Variants in CTPS2 observed in about 807,000 individuals in gnomAD.
CTPS2 encodes CTP synthase II.
Under a neutral mutation model 46.8 loss-of-function variants are expected in CTPS2, and 19 were observed. The observed-to-expected ratio is 0.41, with a 90% CI of 0.28 to 0.60. The LOEUF is 0.60. Among genes scored for constraint, CTPS2 ranks in the 20% least tolerant of loss-of-function variants. The pLI, the probability that CTPS2 is intolerant of heterozygous loss-of-function variation, is 0.35. For synonymous variants in CTPS2, 151 were observed against 165.2 expected (o/e 0.91, Z 0.66); for missense variants, 286 against 447.6 (o/e 0.64, Z 3.26).
At chrX:16,610,522 C>T (rs1243842960) in intron 16 of CTPS2, among the ~76,000 whole-genome samples, 1 of 111,370 alleles carries the variant, frequency 9.0e-6, no homozygotes, top group East Asian at 2.8e-4. Context: ...GCTAGAACAG[C>T]TATTATTAAA....
chrX:16,642,560 C>T (rs775269504), intron 13 of CTPS2, among the ~76,000 whole-genome samples: 9 of 111,449 alleles, frequency 8.1e-5, no homozygotes, highest in South Asian at 3.8e-4. Context: ...ACTCAGGAAG[C>T]GGAAGGTCAG....
intron 15 of CTPS2, among the ~76,000 whole-genome samples, chrX:16,619,737 C>T (rs986532874): frequency 7.2e-5 from 8 of 111,807 alleles, no homozygotes; most frequent in Admixed American, 1.9e-4. Context: ...ATCTACATTT[C>T]GAGAAATCTA....
rs184828691 is a variant in CTPS2 at position 16,630,988 on chromosome X, G to A, written c.1393+8159C>T. Among the ~76,000 whole-genome samples, 284 of 112,374 alleles carry A rather than the reference G, an allele frequency of 2.5e-3. 2 individuals carry two copies. Among genetic ancestry groups the A allele is most frequent in the African/African-American group, 9.0e-3 (280 of 31,003 alleles). The stretch of plus-strand genomic sequence containing the variant: ...TCCCTTATTGAAAAAGTGTACAAAA[G>A]GCCATTGAGGATCTCTTGAGGCCAA... On this transcript the variant is annotated intron_variant, in intron 14 of 18. Transcript: ENST00000359276.
chrX:16,651,587 G>A (rs1932636532), intron 13 of CTPS2, among the ~76,000 whole-genome samples: 1 of 112,099 alleles, frequency 8.9e-6, no homozygotes, highest in Non-Finnish European at 1.9e-5. Context: ...AGTCTGTTAG[G>A]AAAACCCACT....
At chrX:16,691,370 A>G (rs1923683945) in intron 7 of CTPS2, among the ~76,000 whole-genome samples, 170 bp downstream of exon 7, 1 of 111,771 alleles carries the variant, frequency 8.9e-6, no homozygotes, top group African/African-American at 3.3e-5. Flanking sequence ...TGATCATGCA[A>G]AGAAACATGC....
intron 16 of CTPS2, among the ~76,000 whole-genome samples, chrX:16,610,220 C>G (rs934230333): frequency 2.7e-5 from 3 of 111,851 alleles, no homozygotes; most frequent in African/African-American, 9.7e-5. Flanking sequence ...CAAAACTGAG[C>G]ATTTTTTGAA....
At chrX:16,646,543 G>A (rs1932329476) in intron 13 of CTPS2, among the ~76,000 whole-genome samples, 3 of 112,580 alleles carry the variant, frequency 2.7e-5, no homozygotes, top group Admixed American at 1.9e-4. Flanking sequence ...GGCAAAGGTT[G>A]GAAGTGAACT....
chrX:16,677,167 T>G (rs1468718575), intron 10 of CTPS2, among the ~76,000 whole-genome samples: 1 of 111,157 alleles, frequency 9.0e-6, no homozygotes, highest in African/African-American at 3.3e-5. Context: ...ATCAGCTTGG[T>G]TCCAACAGTT....
chrX:16,680,030 G>T (rs757929321), intron 9 of CTPS2, among the ~76,000 whole-genome samples: 1 of 111,295 alleles, frequency 9.0e-6, no homozygotes, highest in Non-Finnish European at 1.9e-5. Flanking sequence ...TGTGGCAAAG[G>T]CAGGGAAGAC....
At chrX:16,597,295 T>C in intron 17 of CTPS2, among the ~76,000 whole-genome samples, 1 of 111,957 alleles carries the variant, frequency 8.9e-6, no homozygotes, top group Non-Finnish European at 1.9e-5. Flanking sequence ...TGGTAATGCC[T>C]AGGTTTTCTT....
intron 16 of CTPS2, among the ~76,000 whole-genome samples, chrX:16,614,190 G>A (rs1054011554): frequency 1.8e-5 from 2 of 112,186 alleles, no homozygotes; most frequent in Non-Finnish European, 3.8e-5. Flanking sequence ...ACCCTGGGCT[G>A]CATGCAGCCC....
intron 13 of CTPS2, among the ~76,000 whole-genome samples, chrX:16,658,210 C>CA (rs57586081): frequency 0.14 from 12,904 of 90,333 alleles, 726 homozygotes; most frequent in East Asian, 0.17. Context: ...GACTCTATCT[C>CA]AAAAAAAAAA....
intron 10 of CTPS2, among the ~76,000 whole-genome samples, chrX:16,672,598 T>C (rs1330919621): frequency 9.0e-6 from 1 of 111,371 alleles, no homozygotes; most frequent in Non-Finnish European, 1.9e-5. Flanking sequence ...CTAATGTCTA[T>C]GTTTTGTCAC....
At chrX:16,590,663 G>T (rs1292034777) in intron 18 of CTPS2, 89 bp downstream of exon 18, 6 of 458,489 alleles carry the variant, frequency 1.3e-5, no homozygotes, top group Non-Finnish European at 1.9e-5. Context: ...GCAAGATCCT[G>T]TGAGGCGAGT....
chrX:16,656,873 GTTTT>G (rs200709483), intron 13 of CTPS2, among the ~76,000 whole-genome samples: 1 of 110,527 alleles, frequency 9.0e-6, no homozygotes, highest in Admixed American at 9.7e-5. Context: ...GTTTTTTTGT[GTTTT>G]TTTGTTTGTT....
intron 1 of CTPS2, chrX:16,711,588 C>A (rs1925467794): frequency 9.0e-6 from 1 of 110,644 alleles, no homozygotes; most frequent in African/African-American, 3.3e-5. Context: ...GGGTTGAGTG[C>A]GGGGCCTGGG....
chrX:16,656,352 A>T (rs1932817136), intron 13 of CTPS2, among the ~76,000 whole-genome samples: 1 of 111,326 alleles, frequency 9.0e-6, no homozygotes, highest in African/African-American at 3.3e-5. Flanking sequence ...TAGAGCCCAG[A>T]CTGCCACACT....
chrX:16,668,289 G>A (rs1176074073), intron 11 of CTPS2, among the ~76,000 whole-genome samples: 2 of 107,159 alleles, frequency 1.9e-5, no homozygotes, highest in African/African-American at 6.8e-5. Context: ...AGAGAGGAAG[G>A]AGGAGCTGGG....
intron 13 of CTPS2, among the ~76,000 whole-genome samples, chrX:16,641,330 T>C (rs1259858230): frequency 8.9e-6 from 1 of 112,593 alleles, no homozygotes; most frequent in Admixed American, 9.4e-5. Context: ...TTCCTCACTG[T>C]GTTGGGTCCC....
Sources: allele counts gnomAD v4.1 joint callset (sites outside exome capture counted in the v4.1 genomes callset), GRCh38; gene constraint gnomAD v4.1.1; transcripts MANE v1.5; gene names NCBI Gene and HGNC (gene_info 2026-07-23, HGNC 2026-07-21).